The following RAD54B variants were observed in gnomAD, a reference collection of about 807,000 sequenced individuals.
RAD54B encodes the protein RAD54 homolog B.
A neutral mutation model predicts 95.8 loss-of-function variants in RAD54B; 78 were observed. That is an observed-to-expected ratio of 0.81 (90% CI 0.68 to 0.98). The LOEUF is 0.98. RAD54B is among the 50% of genes least tolerant of loss of function. The pLI, the probability that RAD54B is intolerant of heterozygous loss-of-function variation, is 0.00. For synonymous variants in RAD54B, 328 were observed against 354.9 expected, an observed-to-expected ratio of 0.92 and a Z score of 0.85; for missense variants, 957 against 1,056.6, an observed-to-expected ratio of 0.91 and a Z score of 1.31.
chr8:94,428,045 C>G lies in RAD54B; in HGVS notation c.305-16730G>C. 5.3e-6 allele frequency: 5 copies of G among 948,146 alleles called. No individual in the cohort carries two copies. The South Asian group carries it at 2.4e-4, about 46-fold the overall frequency. The allele number at this position is 948,146 out of a possible 1,614,324, so 58.7% of individuals were successfully genotyped here. ...AGAAATGAGTTTCACTGACTTTTCTCAGGATGTCATTATAAATCACAGCTA... is the reference window on the plus strand; with the variant it reads ...AGAAATGAGTTTCACTGACTTTTCTGAGGATGTCATTATAAATCACAGCTA... On this transcript the variant is annotated intron_variant, in intron 3 of 14. Coordinates refer to ENST00000336148, the MANE Select transcript of RAD54B (RefSeq NM_012415.3).
intron 3 of RAD54B, among the ~76,000 whole-genome samples, chr8:94,453,266 C>T (rs894141893): frequency 1.3e-5 from 2 of 152,162 alleles, no homozygotes; most frequent in African/African-American, 4.8e-5. Context: ...CAGCGGCTCA[C>T]GTCTGTAATC....
chr8:94,411,364 AAGT>A (rs1811527003), intron 3 of RAD54B, 49 bp from the exon 4 acceptor site: 1 of 1,450,042 alleles, frequency 6.9e-7, no homozygotes, highest in Non-Finnish European at 9.2e-7. Context: ...TTTAATGTCT[AAGT>A]AGTAAGGTCA....
chr8:94,393,635 TAA>T (rs1174355080), intron 9 of RAD54B, 106 bp downstream of exon 9: 5 of 1,068,964 alleles, frequency 4.7e-6, no homozygotes, highest in African/African-American at 3.3e-5. Flanking sequence ...TGGAGAAAAA[TAA>T]AGAGTTCACA....
chr8:94,413,051 GA>G (rs1036805990), intron 3 of RAD54B, among the ~76,000 whole-genome samples: 1 of 151,742 alleles, frequency 6.6e-6, no homozygotes, highest in African/African-American at 2.4e-5. Flanking sequence ...AAGCTTTGTT[GA>G]AAAAAAATTA....
chr8:94,424,689 C>T (rs761194966), intron 3 of RAD54B, among the ~76,000 whole-genome samples: 7 of 152,106 alleles, frequency 4.6e-5, no homozygotes, highest in Non-Finnish European at 7.3e-5. Context: ...TCTATTTTCC[C>T]CTTGACCCTG....
chr8:94,419,504 G>A (rs191498740), intron 3 of RAD54B, among the ~76,000 whole-genome samples: 49 of 151,654 alleles, frequency 3.2e-4, no homozygotes, highest in Non-Finnish European at 5.6e-4. Context: ...GCGAAACTCC[G>A]TCTCAAAAAA....
At chr8:94,396,648 T>C (rs1811154873) in intron 8 of RAD54B, among the ~76,000 whole-genome samples, 2 of 152,138 alleles carry the variant, frequency 1.3e-5, no homozygotes, top group South Asian at 2.1e-4. Flanking sequence ...TAATCTCAGA[T>C]TTATCTTTTC....
intron 3 of RAD54B, among the ~76,000 whole-genome samples, chr8:94,451,248 T>C (rs1812650535): frequency 6.6e-6 from 1 of 152,140 alleles, no homozygotes; most frequent in Admixed American, 6.6e-5. Context: ...ATGGGGATTG[T>C]CAAAAGGACA....
chr8:94,467,166 G>C (rs1025196987), intron 2 of RAD54B, among the ~76,000 whole-genome samples: 1 of 152,062 alleles, frequency 6.6e-6, no homozygotes, highest in Non-Finnish European at 1.5e-5. Context: ...TAGCTCAAGT[G>C]ATCCTCCCGC....
At position 94,391,693 on chromosome 8, in the gene RAD54B, C is replaced by T; in HGVS notation, c.1725G>A (p.Leu575=). The T allele has an allele frequency of 6.2e-7, 1 of 1,613,986 alleles. No homozygotes were observed. The highest frequency in any genetic ancestry group is 8.5e-7 in the Non-Finnish European group (1 of 1,179,984). ...SQVVRFCLQG[L]LENSPHLICI... ...ATATTAGATGGGGACTATTTTCCAA[C>T]AACCCTTGAAGGCAGAACCTGACAA... Residue 575 remains leucine (L), a synonymous_variant, in exon 10 of 15, where the codon TTG becomes TTA. Transcript: ENST00000336148.
chr8:94,414,575 T>C (rs1219295023), intron 3 of RAD54B, among the ~76,000 whole-genome samples: 4 of 152,220 alleles, frequency 2.6e-5, no homozygotes, highest in Admixed American at 2.6e-4. Flanking sequence ...TCTGCATCTA[T>C]TGAGATAATC....
intron 1 of RAD54B, among the ~76,000 whole-genome samples, chr8:94,469,100 G>GTTT (rs200717806): frequency 2.1e-5 from 3 of 140,868 alleles, no homozygotes; most frequent in Admixed American, 7.0e-5. Context: ...CCCATCTCTT[G>GTTT]TTTTTTTTTT....
In RAD54B at chr8:94,469,681, A is replaced by C. The variant is rs1813120640; in HGVS notation, c.-16-2126T>G. Among the ~76,000 whole-genome samples the C allele has an allele frequency of 2.0e-5, 3 of 152,228 alleles. No individual in the cohort carries two copies. In the South Asian group the frequency reaches 6.2e-4, roughly 32 times the overall value. On this transcript the variant is annotated intron_variant, in intron 1 of 14. Coordinates refer to ENST00000336148, the MANE Select transcript of RAD54B (RefSeq NM_012415.3). ...CCTATTCCACTAATCCATAAACCACATGAAGGCAGCAATCTCATGCTTGTT... is the reference window on the plus strand; with the variant it reads ...CCTATTCCACTAATCCATAAACCACCTGAAGGCAGCAATCTCATGCTTGTT...
intron 2 of RAD54B, among the ~76,000 whole-genome samples, chr8:94,462,769 C>T (rs1421575463): frequency 6.6e-6 from 1 of 152,000 alleles, no homozygotes; most frequent in Non-Finnish European, 1.5e-5. Flanking sequence ...TTCAAAAATG[C>T]CCCACTTCAG....
At chr8:94,401,912 T>C (rs912387112) in intron 6 of RAD54B, among the ~76,000 whole-genome samples, 2 of 152,192 alleles carry the variant, frequency 1.3e-5, no homozygotes, top group African/African-American at 2.4e-5. Flanking sequence ...GAAGCCTTTA[T>C]GGAGATGTAC....
Position 94,430,365 on chromosome 8 carries a change from T to C in RAD54B, c.305-19050A>G, listed in dbSNP as rs1025675392. The C allele has an allele frequency of 1.7e-5, 17 of 981,556 alleles. No homozygotes were observed. In the African/African-American group the frequency reaches 2.3e-4, roughly 13 times the overall value. 60.8% of individuals were successfully genotyped at this position (981,556 alleles called of 1,614,324 possible). ...ATTCATAATCTGGTATCAACCATCA[T>C]CCAAATTTATATCCCTCAGTTCACT... On this transcript the variant is annotated intron_variant, in intron 3 of 14. Transcript: ENST00000336148.
intron 3 of RAD54B, chr8:94,428,847 A>G (rs934827241): frequency 2.9e-5 from 29 of 985,240 alleles, no homozygotes; most frequent in Non-Finnish European, 3.5e-5. Context: ...AAAAAGTCTC[A>G]ATACAAAAAA....
intron 3 of RAD54B, among the ~76,000 whole-genome samples, chr8:94,437,232 T>G (rs906873641): frequency 4.6e-5 from 7 of 152,242 alleles, no homozygotes; most frequent in African/African-American, 7.2e-5. Context: ...ATTTCACACA[T>G]GTATGCCTAG....
chr8:94,411,350 T>C (rs959975088), intron 3 of RAD54B, 35 bp from the exon 4 acceptor site: 1 of 1,503,124 alleles, frequency 6.7e-7, no homozygotes, highest in Non-Finnish European at 8.9e-7. Context: ...TTATTAAAAA[T>C]GACTTTAATG....
Sources: allele counts gnomAD v4.1 joint callset (sites outside exome capture counted in the v4.1 genomes callset), GRCh38; gene constraint gnomAD v4.1.1; transcripts MANE v1.5; gene names NCBI Gene and HGNC (gene_info 2026-07-23, HGNC 2026-07-21).